Variants in MYO16 observed in about 807,000 individuals in gnomAD.
The protein encoded by MYO16 is myosin XVI.
MYO16 carries 94 observed loss-of-function variants against 205.3 expected under a neutral mutation model. The ratio of observed to expected loss-of-function variants is 0.46; its 90% CI spans 0.39 to 0.54. MYO16 has a LOEUF of 0.54. Ranked by LOEUF, MYO16 falls within the 20% of genes least tolerant of loss-of-function variation. The pLI is 0.00. For synonymous variants in MYO16, 988 were observed against 954.0 expected, an observed-to-expected ratio of 1.04 and a Z score of -0.66; for missense variants, 2,315 against 2,387.5, an observed-to-expected ratio of 0.97 and a Z score of 0.63.
chr13:109,076,839 A>C (rs1468991702), intron 27 of MYO16, among the ~76,000 whole-genome samples: 1 of 152,144 alleles, frequency 6.6e-6, no homozygotes, highest in Non-Finnish European at 1.5e-5. Context: ...AAAGAGGAGA[A>C]TCTAAAAGTA....
At chr13:108,519,241 A>T in the MYO16 span, among the ~76,000 whole-genome samples, 2 of 152,194 alleles carry the variant, frequency 1.3e-5, no homozygotes, top group Non-Finnish European at 2.9e-5. Flanking sequence ...GCTCCAGGTC[A>T]GTGGCCAATA....
At chr13:109,122,618 C>T (rs971711582) in intron 29 of MYO16, among the ~76,000 whole-genome samples, 11 of 149,464 alleles carry the variant, frequency 7.4e-5, no homozygotes, top group Admixed American at 2.0e-4. Context: ...GCAGAGGTTG[C>T]GGTGAGCCAA....
chr13:108,892,972 T>A (rs1880242403), intron 14 of MYO16, among the ~76,000 whole-genome samples: 1 of 152,216 alleles, frequency 6.6e-6, no homozygotes, highest in African/African-American at 2.4e-5. Context: ...CAAGTAAAAC[T>A]AATTCTAGTT....
chr13:109,107,865 G>T (rs948542548), intron 28 of MYO16, among the ~76,000 whole-genome samples: 3 of 135,504 alleles, frequency 2.2e-5, no homozygotes, highest in African/African-American at 8.1e-5. Context: ...CTGTGTGTGT[G>T]TATTTCCTTT....
intron 22 of MYO16, among the ~76,000 whole-genome samples, chr13:109,016,125 C>CT (rs1885806816): frequency 6.6e-6 from 1 of 152,188 alleles, no homozygotes; most frequent in Non-Finnish European, 1.5e-5. Flanking sequence ...CCTCTACACA[C>CT]TGATTTAAAT....
At chr13:108,898,523 G>A (rs1396759453) in intron 15 of MYO16, among the ~76,000 whole-genome samples, 1 of 152,038 alleles carries the variant, frequency 6.6e-6, no homozygotes, top group Admixed American at 6.6e-5. Flanking sequence ...CAGACCAAAC[G>A]TAGCTGAATT....
chr13:108,987,113 A>G (rs1483075174), intron 20 of MYO16, among the ~76,000 whole-genome samples: 1 of 152,214 alleles, frequency 6.6e-6, no homozygotes, highest in African/African-American at 2.4e-5. Flanking sequence ...AGGGGTCCGC[A>G]GTTCTGTACT....
intron 9 of MYO16, among the ~76,000 whole-genome samples, chr13:108,838,755 C>T (rs1417874678): frequency 1.2e-4 from 7 of 56,270 alleles, no homozygotes; most frequent in Admixed American, 2.9e-4. Flanking sequence ...TATATATATA[C>T]ACACACACAC....
intron 4 of MYO16, among the ~76,000 whole-genome samples, chr13:108,762,048 C>G (rs1305580086): frequency 6.6e-6 from 1 of 152,128 alleles, no homozygotes. Context: ...TGCTGTATGT[C>G]CATATGTACA....
chr13:108,865,065 G>A (rs2139122803), intron 11 of MYO16, among the ~76,000 whole-genome samples: 1 of 152,064 alleles, frequency 6.6e-6, no homozygotes, highest in Non-Finnish European at 1.5e-5. Flanking sequence ...TTCACACAGA[G>A]TTCAGAAGAC....
At chr13:108,997,326 AAGAAAGAAAGAAAGAGAG>A (rs1566452196) in intron 21 of MYO16, among the ~76,000 whole-genome samples, 4 of 9,228 alleles carry the variant, frequency 4.3e-4, no homozygotes, top group African/African-American at 1.2e-3. Context: ...GAAAGAAAGA[AAGAAAGAAAGAAAGAGAG>A]AGAGAGAGAG....
chr13:108,720,715 T>C (rs749951982), intron 3 of MYO16, among the ~76,000 whole-genome samples: 4 of 152,154 alleles, frequency 2.6e-5, no homozygotes, highest in African/African-American at 4.8e-5. Context: ...CCGTAACCAC[T>C]ACAGAGAAGA....
At chr13:108,761,491 G>T (rs1434457465) in intron 4 of MYO16, among the ~76,000 whole-genome samples, 1 of 152,140 alleles carries the variant, frequency 6.6e-6, no homozygotes, top group Non-Finnish European at 1.5e-5. Context: ...TACCATCTAT[G>T]CACAGGGTTT....
In MYO16 at chr13:109,055,130, A is replaced by G; in HGVS notation, c.3129+4A>G. 2 of 1,567,346 alleles carry G rather than the reference A, an allele frequency of 1.3e-6. No homozygotes were observed. The highest frequency in any genetic ancestry group is 1.2e-5 in the South Asian group (1 of 83,930). On this transcript the variant is annotated splice_donor_region_variant and intron_variant, in intron 26 of 34. Coordinates refer to ENST00000457511, the MANE Select transcript of MYO16 (RefSeq NM_001198950.3). The surrounding 1 kb of genome is among the most constrained non-coding windows in gnomAD (Gnocchi z 5.0). ...CACCATAGCATCACAACTCAGGGTT[A>G]GTGACGTTTTCAGATTTCAAAAACT...
intron 2 of MYO16, among the ~76,000 whole-genome samples, chr13:108,706,659 G>A (rs9520970): frequency 0.78 from 119,105 of 152,052 alleles, 46,785 homozygotes; most frequent in East Asian, 0.98. Context: ...CTAACTATTA[G>A]TACATAAAGG....
At chr13:108,539,033 T>C in the MYO16 span, among the ~76,000 whole-genome samples, 3 of 152,102 alleles carry the variant, frequency 2.0e-5, no homozygotes, top group Admixed American at 1.3e-4. Flanking sequence ...CCTGGTGCTT[T>C]TCCCTGTGAG....
intron 4 of MYO16, among the ~76,000 whole-genome samples, chr13:108,729,356 G>A (rs1448563018): frequency 6.6e-6 from 1 of 152,106 alleles, no homozygotes; most frequent in Non-Finnish European, 1.5e-5. Flanking sequence ...ACAACTCATA[G>A]AGCACGCAGC....
At chr13:108,952,221 C>A (rs1883185107) in intron 16 of MYO16, among the ~76,000 whole-genome samples, 1 of 152,116 alleles carries the variant, frequency 6.6e-6, no homozygotes, top group African/African-American at 2.4e-5. Context: ...TACCAAATTT[C>A]TACAGTGTTT....
intron 4 of MYO16, among the ~76,000 whole-genome samples, chr13:108,772,194 T>A (rs1885988241): frequency 1.3e-5 from 2 of 151,478 alleles, no homozygotes; most frequent in Non-Finnish European, 2.9e-5. Flanking sequence ...GCAAAAAAAA[T>A]ATTACATAGA....
Sources: gnomAD v4.1 joint callset for allele counts (sites outside exome capture counted in the v4.1 genomes callset) on GRCh38, gnomAD v4.1.1 for gene constraint, Gnocchi (gnomAD v3.1) non-coding constraint, MANE v1.5 for transcripts, NCBI Gene and HGNC (gene_info 2026-07-23, HGNC 2026-07-21) for gene names.